Variants in RCC2 observed in about 807,000 individuals in gnomAD.
The protein encoded by RCC2 is protein RCC2.
Under a neutral mutation model 64.1 loss-of-function variants are expected in RCC2, and 19 were observed. The ratio of observed to expected loss-of-function variants is 0.30; its 90% CI spans 0.21 to 0.44. RCC2 has a LOEUF of 0.44. RCC2 is among the 20% of genes least tolerant of loss of function. The pLI, the probability that RCC2 is intolerant of heterozygous loss-of-function variation, is 1.00. For synonymous variants in RCC2, 325 were observed against 279.6 expected (o/e 1.16, Z -1.62); for missense variants, 508 against 710.4 (o/e 0.72, Z 3.24).
rs1292937942 is a variant in RCC2, at chr1:17,407,305, C to G, written c.*1785G>C. ...GCTCAAAGGAGAGACCTCAAGGGTG[C>G]CAGGAGCACAGGTGCCTGGGCTGCA... On this transcript the variant is annotated 3_prime_UTR_variant, in exon 13 of 13. Transcript: ENST00000375436. 1 of 152,132 alleles carries G rather than the reference C, an allele frequency of 6.6e-6. No individual in the cohort carries two copies. The highest frequency in any genetic ancestry group is 2.4e-5 in the African/African-American group (1 of 41,434). The allele number at this position is 152,132 out of a possible 1,614,324, so 9.4% of individuals were successfully genotyped here.
chr1:17,425,456 CTT>C (rs1196845272), intron 4 of RCC2, 83 bp downstream of exon 4: 7 of 1,381,488 alleles, frequency 5.1e-6, no homozygotes, highest in Admixed American at 5.2e-5. Flanking sequence ...ACGCGAGTCT[CTT>C]TTCCAGGCAA....
rs377142180 is a variant in RCC2, at chr1:17,431,681, G to A, written c.286-2482C>T. ...TCCACTTCAATAGGAACCTTTACAC[G>A]ACCCAAACCTGATTAGGGCGTCCCC... On this transcript the variant is annotated intron_variant, in intron 2 of 12. Coordinates refer to ENST00000375436, the MANE Select transcript of RCC2 (RefSeq NM_018715.4). Among the ~76,000 whole-genome samples, 9 of 151,236 alleles carry A rather than the reference G, an allele frequency of 6.0e-5. No homozygotes were observed. The South Asian group carries it at 1.5e-3, about 25-fold the overall frequency.
intron 12 of RCC2, among the ~76,000 whole-genome samples, chr1:17,409,730 G>A (rs1437124839): frequency 6.6e-6 from 1 of 152,208 alleles, no homozygotes; most frequent in Non-Finnish European, 1.5e-5. Flanking sequence ...GATCTGCTGC[G>A]GCCAGTTGGT....
At chr1:17,419,333 C>T (rs1285407697) in intron 7 of RCC2, among the ~76,000 whole-genome samples, 3 of 152,130 alleles carry the variant, frequency 2.0e-5, no homozygotes, top group Admixed American at 6.5e-5. Context: ...CACTCCATCC[C>T]GGGTGACAGA....
At chr1:17,413,482 GGCTACA>G in intron 9 of RCC2, 49 bp downstream of exon 9, 1 of 1,565,120 alleles carries the variant, frequency 6.4e-7, no homozygotes, top group South Asian at 1.1e-5. Flanking sequence ...ACAGGACAAT[GGCTACA>G]CGGTTCCGCA....
At position 17,407,005 on chromosome 1, in the gene RCC2, G is replaced by C. The variant is rs2075367683; in HGVS notation, c.*2085C>G. 1 of 152,120 alleles carries C rather than the reference G, an allele frequency of 6.6e-6. No individual in the cohort carries two copies. Among genetic ancestry groups the C allele is most frequent in the Admixed American group, 6.5e-5 (1 of 15,272 alleles). 9.4% of individuals were successfully genotyped at this position (152,120 alleles called of 1,614,324 possible). ...GGCAACTGTGTACCTTTCTCTAGGA[G>C]TGCACGACACCCTTCCCCCACAACT... On this transcript the variant is annotated 3_prime_UTR_variant, in exon 13 of 13. Coordinates refer to ENST00000375436, the MANE Select transcript of RCC2 (RefSeq NM_018715.4).
At chr1:17,430,853 C>T (rs1045483203) in intron 2 of RCC2, among the ~76,000 whole-genome samples, 2 of 151,996 alleles carry the variant, frequency 1.3e-5, no homozygotes, top group Admixed American at 1.3e-4. Flanking sequence ...CTCAGCCTCC[C>T]AAGTAGCTGG....
intron 5 of RCC2, 49 bp downstream of exon 5, chr1:17,422,656 C>G (rs769290053): frequency 1.2e-6 from 2 of 1,607,800 alleles, no homozygotes; most frequent in South Asian, 2.2e-5. Flanking sequence ...AGGCAGACCA[C>G]CTGGCCTCTT....
At chr1:17,410,143 A>G in intron 11 of RCC2, 92 bp from the exon 12 acceptor site, 1 of 1,146,776 alleles carries the variant, frequency 8.7e-7, no homozygotes, top group Non-Finnish European at 1.3e-6. Context: ...GCCCCCACTA[A>G]CCAGAAGCCA....
chr1:17,411,432 T>C (rs1432023251), intron 11 of RCC2, among the ~76,000 whole-genome samples: 1 of 151,976 alleles, frequency 6.6e-6, no homozygotes. Context: ...AAAAATTAGC[T>C]GGGCGTGGTG....
At chr1:17,426,763 T>C (rs537997987) in intron 3 of RCC2, among the ~76,000 whole-genome samples, 138 of 39,906 alleles carry the variant, frequency 3.5e-3, no homozygotes, top group South Asian at 0.028. Context: ...ACTTTTCTTT[T>C]TTTTTTTTTT....
At chr1:17,430,329 G>A (rs941477392) in intron 2 of RCC2, among the ~76,000 whole-genome samples, 1 of 151,390 alleles carries the variant, frequency 6.6e-6, no homozygotes, top group African/African-American at 2.4e-5. Context: ...GGGCAACATG[G>A]CAAAACCTTG....
chr1:17,410,668 C>T (rs1388088584), intron 11 of RCC2, among the ~76,000 whole-genome samples: 2 of 152,044 alleles, frequency 1.3e-5, no homozygotes, highest in Non-Finnish European at 2.9e-5. Flanking sequence ...CAGAGGGTCC[C>T]ACAGGGCGGG....
At chr1:17,420,573 T>G in intron 7 of RCC2, 141 bp downstream of exon 7, 16 of 501,424 alleles carry the variant, frequency 3.2e-5, no homozygotes, top group Non-Finnish European at 4.6e-5. Flanking sequence ...CTGCTGAACG[T>G]GAGATCCACT....
intron 2 of RCC2, among the ~76,000 whole-genome samples, chr1:17,429,930 T>A (rs1433126742): frequency 1.3e-5 from 2 of 152,098 alleles, no homozygotes; most frequent in African/African-American, 4.8e-5. Context: ...CAACACAAAG[T>A]CATCAGGGCC....
chr1:17,427,435 C>A (rs1293797304), intron 3 of RCC2, among the ~76,000 whole-genome samples: 1 of 152,148 alleles, frequency 6.6e-6, no homozygotes, highest in East Asian at 1.9e-4. Flanking sequence ...AAAGAGCAAA[C>A]CAAAAATAAA....
chr1:17,433,631 C>CCTGG (rs2075707033), intron 2 of RCC2, among the ~76,000 whole-genome samples: 2 of 152,216 alleles, frequency 1.3e-5, no homozygotes, highest in African/African-American at 4.8e-5. Flanking sequence ...TGTCATTTCA[C>CCTGG]CTGGCTGCCT....
chr1:17,421,807 C>G (rs1371897987), intron 6 of RCC2, among the ~76,000 whole-genome samples: 1 of 152,126 alleles, frequency 6.6e-6, no homozygotes, highest in Non-Finnish European at 1.5e-5. Flanking sequence ...GGGTGGATCA[C>G]CTGAGGTCAG....
chr1:17,419,844 C>T (rs184838620), intron 7 of RCC2, among the ~76,000 whole-genome samples: 2 of 152,346 alleles, frequency 1.3e-5, no homozygotes, highest in African/African-American at 2.4e-5. Flanking sequence ...GGCTCCACCA[C>T]GGCAACCAAC....
Sources: gnomAD v4.1 joint callset for allele counts (sites outside exome capture counted in the v4.1 genomes callset) on GRCh38, gnomAD v4.1.1 for gene constraint, MANE v1.5 for transcripts, NCBI Gene and HGNC (gene_info 2026-07-23, HGNC 2026-07-21) for gene names.